EMG1: variants seen among roughly 807,000 people sequenced by gnomAD.
The protein encoded by EMG1 is ribosomal RNA small subunit methyltransferase NEP1.
In EMG1, 24 loss-of-function variants were observed where a neutral mutation model predicts 26.9. That is an observed-to-expected ratio of 0.89 (90% CI 0.65 to 1.26). EMG1 has a LOEUF of 1.26. Ranked by LOEUF, EMG1 falls within the 50% of genes most tolerant of loss-of-function variation. EMG1 has a pLI of 0.00. For synonymous variants in EMG1, 140 were observed against 112.6 expected (o/e 1.24, Z -1.54); for missense variants, 299 against 307.6 (o/e 0.97, Z 0.21).
intron 7 of EMG1, among the ~76,000 whole-genome samples, chr12:6,993,337 GGGA>G (rs1946606355): frequency 6.6e-6 from 1 of 152,048 alleles, no homozygotes; most frequent in Non-Finnish European, 1.5e-5. Flanking sequence ...AGGAGGCTGA[GGGA>G]GGAGAATTGC....
chr12:6,981,188 C>T (rs1490544145), downstream of EMG1: 2 of 1,601,268 alleles, frequency 1.2e-6, no homozygotes, highest in African/African-American at 2.7e-5. Flanking sequence ...GAATTCTATG[C>T]CAAGAAGAGA....
rs782793938 is a variant in EMG1, at chr12:6,978,343, G to T, written c.*2534G>T. 2 of 1,606,724 alleles carry T rather than the reference G, an allele frequency of 1.2e-6. No homozygotes were observed. The highest frequency in any genetic ancestry group is 2.2e-5 in the South Asian group (2 of 90,352). ...CAGGCTCCCCACCAGCAGCTCACCG[G>T]GCCACCCAGGCGTTGGTGTTGATGT... On this transcript the variant is annotated 3_prime_UTR_variant, in exon 6 of 6. Coordinates refer to ENST00000599672, the MANE Select transcript of EMG1 (RefSeq NM_006331.8).
Position 6,978,137 on chromosome 12 carries a change from T to C in EMG1, c.*2328T>C, listed in dbSNP as rs782698853. The C allele has an allele frequency of 7.9e-5, 51 of 644,016 alleles. 1 individual carries two copies. The highest frequency in any genetic ancestry group is 1.3e-4 in the Non-Finnish European group (50 of 376,290). 39.9% of individuals were successfully genotyped at this position (644,016 alleles called of 1,614,324 possible). A position where few individuals can be genotyped will look rare whatever the true frequency, so the allele number is the denominator to read the frequency against. ...TAACACCCAGGTCTTAACGCACTTT[T>C]ATATCTTGCCTTTTTTTCAAATATG... is the stretch of plus-strand genomic sequence containing the variant. On this transcript the variant is annotated 3_prime_UTR_variant, in exon 6 of 6. Coordinates refer to ENST00000599672, the MANE Select transcript of EMG1 (RefSeq NM_006331.8).
chr12:6,990,938 A>G (rs1591551309), downstream of EMG1, among the ~76,000 whole-genome samples: 1 of 151,332 alleles, frequency 6.6e-6, no homozygotes, highest in South Asian at 2.1e-4. Context: ...AAAAAGGAAG[A>G]AAATAAAACT....
chr12:6,974,524 A>G (rs782304736), intron 2 of EMG1, 28 bp from the exon 3 acceptor site: 1 of 1,612,060 alleles, frequency 6.2e-7, no homozygotes, highest in South Asian at 1.1e-5. Context: ...TTCAGCCTTA[A>G]CCATGTCTCG....
Position 6,978,122 on chromosome 12 carries a change from G to A in EMG1, c.*2313G>A. On this transcript the variant is annotated 3_prime_UTR_variant, in exon 6 of 6. Coordinates refer to ENST00000599672, the MANE Select transcript of EMG1 (RefSeq NM_006331.8). Reference sequence around the variant, plus strand: ...TTGGCAGAGCTGGAGTAACACCCAGGTCTTAACGCACTTTTATATCTTGCC... The same window carrying A: ...TTGGCAGAGCTGGAGTAACACCCAGATCTTAACGCACTTTTATATCTTGCC... 1.7e-6 allele frequency: 1 copy of A among 587,146 alleles called. No individual in the cohort carries two copies. The highest frequency in any genetic ancestry group is 3.0e-6 in the Non-Finnish European group (1 of 337,996). 36.4% of individuals were successfully genotyped at this position (587,146 alleles called of 1,614,324 possible).
Position 6,974,381 on chromosome 12 carries a change from T to C in EMG1, c.211T>C (p.Ser71Pro). Residue 71 changes from serine to proline, a missense_variant, in exon 2 of 6, where the codon TCT becomes CCT. Physicochemically the swap from Ser to Pro is moderately conservative, Grantham distance 74. Transcript: ENST00000599672. ...YELLNCDKHK[S>P]ILLKNGRDPG... The stretch of plus-strand genomic sequence containing the variant: ...GCTACTCAACTGTGACAAGCACAAG[T>C]CTATATTGTTGAAGAATGGACGGGA... 1 of 1,613,696 alleles carries C rather than the reference T, an allele frequency of 6.2e-7. No individual in the cohort carries two copies. The highest frequency in any genetic ancestry group is 8.5e-7 in the Non-Finnish European group (1 of 1,179,772).
At chr12:6,984,974 G>A (rs1230676498) in intron 6 of EMG1, among the ~76,000 whole-genome samples, 1 of 151,320 alleles carries the variant, frequency 6.6e-6, no homozygotes. Flanking sequence ...ACTCTAAAAC[G>A]CTTAGAATAG....
downstream of EMG1, among the ~76,000 whole-genome samples, chr12:6,992,290 C>T (rs1946596651): frequency 6.6e-6 from 1 of 151,690 alleles, no homozygotes; most frequent in African/African-American, 2.4e-5. Context: ...CTGTGATGCC[C>T]CCACCGCACT....
At chr12:6,990,920 A>C (rs2138342965), downstream of EMG1, among the ~76,000 whole-genome samples, 1 of 151,098 alleles carries the variant, frequency 6.6e-6, no homozygotes, top group Middle Eastern at 3.4e-3. Context: ...CCAAATCAAA[A>C]AAAAAAAAAA....
Position 6,972,679 on chromosome 12 carries a change from C to T in EMG1, c.168+1588C>T, listed in dbSNP as rs782221076. Among the ~76,000 whole-genome samples, 6 of 152,304 alleles carry T rather than the reference C, an allele frequency of 3.9e-5. No individual in the cohort carries two copies. In the East Asian group the frequency reaches 9.6e-4, roughly 24 times the overall value. ...AGTTGTTAGGATAGTGTCTGTCAGTCATTCCCATCCTGCCCTGCTTACTCC... is the reference window on the plus strand; with the variant it reads ...AGTTGTTAGGATAGTGTCTGTCAGTTATTCCCATCCTGCCCTGCTTACTCC... On this transcript the variant is annotated intron_variant, in intron 1 of 5. Transcript: ENST00000599672.
downstream of EMG1, chr12:6,979,959 G>A: frequency 5.9e-6 from 1 of 169,500 alleles, no homozygotes; most frequent in East Asian, 1.6e-4. Flanking sequence ...TTTCTTGGTT[G>A]AATTGATGCT....
downstream of EMG1, among the ~76,000 whole-genome samples, chr12:6,990,444 G>A (rs1555155349): frequency 6.8e-6 from 1 of 146,826 alleles, no homozygotes; most frequent in Non-Finnish European, 1.5e-5. Context: ...GGGAGGCAGA[G>A]CTTGCAGTGA....
rs1946430783 is a variant in EMG1, at chr12:6,978,168, A to G, written c.*2359A>G. 1 of 702,266 alleles carries G rather than the reference A, an allele frequency of 1.4e-6. No individual in the cohort carries two copies. Among genetic ancestry groups the G allele is most frequent in the Admixed American group, 2.9e-5 (1 of 34,956 alleles). The allele number at this position is 702,266 out of a possible 1,614,324, so 43.5% of individuals were successfully genotyped here. Reference sequence around the variant, plus strand: ...TTGCCTTTTTTTCAAATATGACAGTAATGGTTTTTTTGGGAGGGGGGTATA... The same window carrying G: ...TTGCCTTTTTTTCAAATATGACAGTGATGGTTTTTTTGGGAGGGGGGTATA... On this transcript the variant is annotated 3_prime_UTR_variant, in exon 6 of 6. Coordinates refer to ENST00000599672, the MANE Select transcript of EMG1 (RefSeq NM_006331.8).
Position 6,978,767 on chromosome 12 carries a change from T to G in EMG1, c.*2958T>G. ...CTCTCAGCACTCTTCCTTTTCACAC[T>G]TGTGGCTGGCTACTTCATACCTGCC... On this transcript the variant is annotated 3_prime_UTR_variant, in exon 6 of 6. Coordinates refer to ENST00000599672, the MANE Select transcript of EMG1 (RefSeq NM_006331.8). 6.4e-7 allele frequency: 1 copy of G among 1,574,168 alleles called. No homozygotes were observed. The highest frequency in any genetic ancestry group is 8.6e-7 in the Non-Finnish European group (1 of 1,158,512).
chr12:6,973,785 G>T (rs747342850), intron 1 of EMG1, among the ~76,000 whole-genome samples: 1 of 151,814 alleles, frequency 6.6e-6, no homozygotes, highest in Non-Finnish European at 1.5e-5. Context: ...CTTGTGATCT[G>T]CCCGCCTCGG....
Position 6,977,310 on chromosome 12 carries a change from G to A in EMG1, c.*1501G>A. On this transcript the variant is annotated 3_prime_UTR_variant, in exon 6 of 6. Coordinates refer to ENST00000599672, the MANE Select transcript of EMG1 (RefSeq NM_006331.8). The surrounding 1 kb of genome is among the most constrained non-coding windows in gnomAD (Gnocchi z 4.5). ...GGTAGACAGGCCTGGAGTGTCCTTT[G>A]CAACCTTTGAGGTTGCAGTGAGTCC... 1 of 1,612,008 alleles carries A rather than the reference G, an allele frequency of 6.2e-7. No homozygotes were observed. Among genetic ancestry groups the A allele is most frequent in the Non-Finnish European group, 8.5e-7 (1 of 1,178,184 alleles).
intron 5 of EMG1, 70 bp downstream of exon 5, chr12:6,975,448 G>A: frequency 1.4e-6 from 2 of 1,466,698 alleles, no homozygotes; most frequent in Non-Finnish European, 1.8e-6. Flanking sequence ...AGAGCAGTAG[G>A]CATTTTAACA....
At chr12:6,988,511 AC>A (rs1480835591), downstream of EMG1, 1 of 152,070 alleles carries the variant, frequency 6.6e-6, no homozygotes, top group African/African-American at 2.4e-5. Flanking sequence ...GGAGGGTGTG[AC>A]CCTACAAGAT....
Sources: allele counts gnomAD v4.1 joint callset (sites outside exome capture counted in the v4.1 genomes callset), GRCh38; gene constraint gnomAD v4.1.1; non-coding constraint Gnocchi (gnomAD v3.1); transcripts MANE v1.5; gene names NCBI Gene and HGNC (gene_info 2026-07-23, HGNC 2026-07-21).